PLEKHG4B: variants seen among roughly 807,000 people sequenced by gnomAD.
PLEKHG4B encodes the protein pleckstrin homology and RhoGEF domain containing G4B.
In PLEKHG4B, 111 loss-of-function variants were observed where a neutral mutation model predicts 121.3. The ratio of observed to expected loss-of-function variants is 0.92; its 90% CI spans 0.78 to 1.07. PLEKHG4B has a LOEUF of 1.07. PLEKHG4B is among the 50% of genes least tolerant of loss of function. The pLI is 0.00. For synonymous variants in PLEKHG4B, 738 were observed against 725.0 expected, an observed-to-expected ratio of 1.02 and a Z score of -0.29; for missense variants, 1,831 against 1,757.8, an observed-to-expected ratio of 1.04 and a Z score of -0.74.
rs1044011967 is a variant in PLEKHG4B, at chr5:185,516, C to T, written c.*3193C>T. On this transcript the variant is annotated 3_prime_UTR_variant, in exon 20 of 20. Coordinates refer to ENST00000637938, the MANE Select transcript of PLEKHG4B (RefSeq NM_052909.5). ...GCCACCATCACACAGCCCCAGAGGCCGCCCAGGCTCTAGCCACACTCTGGC... is the reference window on the plus strand; with the variant it reads ...GCCACCATCACACAGCCCCAGAGGCTGCCCAGGCTCTAGCCACACTCTGGC... 12 of 152,212 alleles carry T rather than the reference C, an allele frequency of 7.9e-5. No homozygotes were observed. The highest frequency in any genetic ancestry group is 6.5e-4 in the Admixed American group (10 of 15,288). The allele number at this position is 152,212 out of a possible 1,614,324, so 9.4% of individuals were successfully genotyped here. A position where few individuals can be genotyped will look rare whatever the true frequency, so the allele number is the denominator to read the frequency against.
At position 118,851 on chromosome 5, in the gene PLEKHG4B, C is replaced by T. The variant is rs559144295; in HGVS notation, c.243+5403C>T. The stretch of plus-strand genomic sequence containing the variant: ...GGAGAGCCCACATTCTTCTCCTCCT[C>T]CTTCTTTTTTTTTTTTTGAGACAGG... On this transcript the variant is annotated intron_variant, in intron 2 of 19. Transcript: ENST00000637938. Among the ~76,000 whole-genome samples the T allele has an allele frequency of 3.5e-4, 13 of 37,238 alleles. No individual in the cohort carries two copies. In the Admixed American group the frequency reaches 5.7e-3, roughly 16 times the overall value. The allele number at this position is 37,238 out of a possible 152,430, so 24.4% of individuals were successfully genotyped here. A position where few individuals can be genotyped will look rare whatever the true frequency, so the allele number is the denominator to read the frequency against.
chr5:110,955 G>A lies in PLEKHG4B; in HGVS notation c.46-2296G>A, dbSNP rs373652767. Reference sequence around the variant, plus strand: ...CCTGTGCTTGCAGGTCCCCTGCCCTGTGTCTGCTCTCTCTCCTGGCCCCGA... The same window carrying A: ...CCTGTGCTTGCAGGTCCCCTGCCCTATGTCTGCTCTCTCTCCTGGCCCCGA... On this transcript the variant is annotated intron_variant, in intron 1 of 19. Transcript: ENST00000637938. 6.7e-3 allele frequency among the ~76,000 whole-genome samples: 1,027 copies of A among 152,392 alleles called. 5 individuals carry two copies. Among genetic ancestry groups the A allele is most frequent in the South Asian group, 0.018 (86 of 4,832 alleles).
At chr5:154,729 G>A (rs1735714743) in intron 7 of PLEKHG4B, 146 bp from the exon 8 acceptor site, 1 of 631,800 alleles carries the variant, frequency 1.6e-6, no homozygotes, top group Non-Finnish European at 2.9e-6. Context: ...CCAGACCCGT[G>A]CTATTATCAG....
chr5:177,869 T>C (rs1376586336), intron 18 of PLEKHG4B, among the ~76,000 whole-genome samples: 1 of 152,244 alleles, frequency 6.6e-6, no homozygotes, highest in African/African-American at 2.4e-5. Flanking sequence ...CGCATCCCCA[T>C]CTGAGACTTT....
intron 18 of PLEKHG4B, 101 bp downstream of exon 18, chr5:174,199 G>A (rs1736677339): frequency 9.6e-7 from 1 of 1,041,892 alleles, no homozygotes; most frequent in African/African-American, 1.7e-5. Flanking sequence ...TGAGTCCAGG[G>A]GCCAGGGGGC....
chr5:104,580 GA>G (rs1733919970), intron 1 of PLEKHG4B, among the ~76,000 whole-genome samples: 1 of 152,258 alleles, frequency 6.6e-6, no homozygotes, highest in African/African-American at 2.4e-5. Flanking sequence ...TAATAAAGCT[GA>G]TTTTTTTTAC....
rs1736628322 is a variant in PLEKHG4B at position 173,167 on chromosome 5, G to C, written c.4221+100G>C. 24 of 1,217,522 alleles carry C rather than the reference G, an allele frequency of 2.0e-5. No individual in the cohort carries two copies. The South Asian group carries it at 3.1e-4, about 16-fold the overall frequency. The allele number at this position is 1,217,522 out of a possible 1,614,324, so 75.4% of individuals were successfully genotyped here. On this transcript the variant is annotated intron_variant, in intron 17 of 19. Transcript: ENST00000637938. ...TAAGGCCAGCAGAGGAACTGGGAGG[G>C]AGTGAAGCGGGGAGGAGCCGCACTG...
chr5:120,754 G>C (rs1379073250), intron 2 of PLEKHG4B, among the ~76,000 whole-genome samples: 4 of 152,108 alleles, frequency 2.6e-5, no homozygotes, highest in African/African-American at 7.2e-5. Flanking sequence ...TTTAAGAATT[G>C]GTGATTTGCA....
At chr5:122,361 C>T (rs1734492712) in intron 2 of PLEKHG4B, among the ~76,000 whole-genome samples, 1 of 152,064 alleles carries the variant, frequency 6.6e-6, no homozygotes, top group Non-Finnish European at 1.5e-5. Context: ...CAAAAAAAGG[C>T]AAGAGCAACT....
intron 1 of PLEKHG4B, among the ~76,000 whole-genome samples, chr5:98,638 T>A (rs1733700664): frequency 1.4e-5 from 2 of 144,258 alleles, no homozygotes; most frequent in East Asian, 4.1e-4. Context: ...TGTGTGTGTG[T>A]GTGTGTGTTA....
chr5:101,249 G>A (rs1459395488), intron 1 of PLEKHG4B, among the ~76,000 whole-genome samples: 6 of 125,638 alleles, frequency 4.8e-5, no homozygotes, highest in South Asian at 4.6e-4. Flanking sequence ...GAAAAAGTCT[G>A]TAGGGGAGAC....
intron 14 of PLEKHG4B, among the ~76,000 whole-genome samples, chr5:170,366 A>G (rs1736502439): frequency 6.6e-6 from 1 of 152,120 alleles, no homozygotes. Context: ...GCAGTGGCAC[A>G]ATCACAGCTC....
At position 154,924 on chromosome 5, in the gene PLEKHG4B, G is replaced by T. The variant is rs776156909; in HGVS notation, c.2042G>T (p.Cys681Phe). The part of the protein sequence containing the change: ...LKAVHKFVDS[C>F]QLTADLDGSF... The stretch of plus-strand genomic sequence containing the variant: ...GCCGTGCACAAATTTGTTGACAGCT[G>T]CCAGCTGACCGCAGACCTCGACGGC... Residue 681 changes from cysteine (C) to phenylalanine (F), a missense_variant, in exon 8 of 20, where the codon TGC (cysteine) becomes TTC (phenylalanine). By Grantham distance (205) the Cys-to-Phe change is radical. Coordinates refer to ENST00000637938, the MANE Select transcript of PLEKHG4B (RefSeq NM_052909.5). 1.2e-6 allele frequency: 2 copies of T among 1,613,844 alleles called. No homozygotes were observed. The highest frequency in any genetic ancestry group is 1.7e-6 in the Non-Finnish European group (2 of 1,180,026).
intron 1 of PLEKHG4B, among the ~76,000 whole-genome samples, chr5:109,093 C>T (rs530757784): frequency 1.3e-5 from 2 of 152,264 alleles, no homozygotes; most frequent in Admixed American, 1.3e-4. Flanking sequence ...AGTGTGGGTC[C>T]CCCGCTGTCC....
Position 173,976 on chromosome 5 carries a change from G to C in PLEKHG4B, c.4280G>C (p.Trp1427Ser). 6.2e-7 allele frequency: 1 copy of C among 1,612,864 alleles called. No homozygotes were observed. The highest frequency in any genetic ancestry group is 8.5e-7 in the Non-Finnish European group (1 of 1,179,674). ...VGDSGLRFEI[W>S]FRRRRKSQDT... is the part of the protein sequence containing the mutation. ...GACAGTGGCTTGAGGTTTGAGATTT[G>C]GTTTCGCAGGCGGCGGAAATCTCAG... The change falls in exon 18 of 20, where the codon TGG becomes TCG. Residue 1427 changes from tryptophan (W) to serine (S), a missense_variant. Transcript: ENST00000637938.
intron 14 of PLEKHG4B, among the ~76,000 whole-genome samples, chr5:170,117 ATC>A (rs1014706339): frequency 6.6e-6 from 1 of 152,218 alleles, no homozygotes. Flanking sequence ...TGAATGTGGA[ATC>A]TCTCTGTTTG....
At chr5:155,713 G>A (rs772160629) in intron 9 of PLEKHG4B, among the ~76,000 whole-genome samples, 3 of 152,186 alleles carry the variant, frequency 2.0e-5, no homozygotes, top group Non-Finnish European at 2.9e-5. Context: ...TGCTCGGAAC[G>A]AGCCATTCCA....
At chr5:145,047 G>T in intron 6 of PLEKHG4B, 127 bp downstream of exon 6, 1 of 811,004 alleles carries the variant, frequency 1.2e-6, no homozygotes, top group Non-Finnish European at 1.9e-6. Flanking sequence ...CGAGATGGGG[G>T]CCCCTGTGCA....
chr5:135,673 AAAAAAAAAAATATATATATATATAT>A (rs1282615977), intron 2 of PLEKHG4B, among the ~76,000 whole-genome samples: 5 of 64,214 alleles, frequency 7.8e-5, no homozygotes, highest in Non-Finnish European at 1.5e-4. Context: ...CTCAAAAAAA[AAAAAAAAAAATATATATATATATAT>A]ATATATATAT....
Sources: gnomAD v4.1 joint callset for allele counts (sites outside exome capture counted in the v4.1 genomes callset) on GRCh38, gnomAD v4.1.1 for gene constraint, MANE v1.5 for transcripts, NCBI Gene and HGNC (gene_info 2026-07-23, HGNC 2026-07-21) for gene names.